The following WDPCP variants were observed in gnomAD, a reference collection of about 807,000 sequenced individuals.
WDPCP encodes WD repeat-containing and planar cell polarity effector protein fritz homolog.
WDPCP carries 71 observed loss-of-function variants against 93.1 expected under a neutral mutation model. The observed-to-expected ratio is 0.76, with a 90% confidence interval of 0.63 to 0.93. The LOEUF is 0.93. Ranked by LOEUF, WDPCP falls within the 40% of genes least tolerant of loss-of-function variation. The probability of loss-of-function intolerance (pLI) is 0.00; values close to 1 mark genes in which losing one functional copy is unlikely to be tolerated. For synonymous variants in WDPCP, 315 were observed against 315.0 expected (o/e 1.00, Z 0.00); for missense variants, 844 against 887.4 (o/e 0.95, Z 0.62).
At chr2:63,650,258 T>C (rs1710094135) in intron 3 of WDPCP, among the ~76,000 whole-genome samples, 1 of 152,210 alleles carries the variant, frequency 6.6e-6, no homozygotes, top group South Asian at 2.1e-4. Context: ...CCCCACTCCC[T>C]GAGTTTATGA....
chr2:63,636,679 A>G (rs373584511), intron 3 of WDPCP, among the ~76,000 whole-genome samples: 1 of 152,162 alleles, frequency 6.6e-6, no homozygotes, highest in South Asian at 2.1e-4. Context: ...TTCAAACTAC[A>G]TTACAAATAG....
chr2:63,591,015 A>G (rs1709192150), upstream of WDPCP: 1 of 152,222 alleles, frequency 6.6e-6, no homozygotes, highest in African/African-American at 2.4e-5. Flanking sequence ...ATTTAGAAAT[A>G]TATATAAATT....
intron 1 of WDPCP, among the ~76,000 whole-genome samples, chr2:63,549,643 G>T (rs956086409): frequency 2.6e-5 from 4 of 152,098 alleles, no homozygotes; most frequent in African/African-American, 7.2e-5. Flanking sequence ...GCAGAAGCCT[G>T]TAATCCCAGC....
intron 15 of WDPCP, among the ~76,000 whole-genome samples, chr2:63,164,954 AGT>A (rs1330892402): frequency 6.6e-6 from 1 of 152,204 alleles, no homozygotes; most frequent in African/African-American, 2.4e-5. Context: ...GAAGGCAATA[AGT>A]GAGGAATAGA....
At chr2:63,156,693 G>A (rs922814550) in intron 15 of WDPCP, among the ~76,000 whole-genome samples, 12 of 152,132 alleles carry the variant, frequency 7.9e-5, no homozygotes, top group East Asian at 7.7e-4. Context: ...AGCCGAGGTC[G>A]TGCCATTGCA....
At chr2:63,174,535 C>A in intron 15 of WDPCP, 135 bp downstream of exon 15, 1 of 1,108,546 alleles carries the variant, frequency 9.0e-7, no homozygotes, top group Non-Finnish European at 1.3e-6. Context: ...CAAACTACTG[C>A]AAAGTCTGAG....
rs72811602 is a variant in WDPCP at position 63,126,619 on chromosome 2, A to G, written c.2191-4563T>C. On this transcript the variant is annotated intron_variant, in intron 17 of 17. Coordinates refer to ENST00000272321, the MANE Select transcript of WDPCP (RefSeq NM_015910.7). ...AGCTAAACACAGTTTTAACTTGTAT[A>G]AAACAGCCCGATATTCAACATCACA... Among the ~76,000 whole-genome samples, 1,218 of 152,002 alleles carry G rather than the reference A, an allele frequency of 8.0e-3. 12 individuals are homozygous for G. Among genetic ancestry groups the G allele is most frequent in the Middle Eastern group, 0.014 (4 of 294 alleles).
At chr2:63,550,192 A>AACACACAC (rs56155473) in intron 1 of WDPCP, among the ~76,000 whole-genome samples, 60 of 44,352 alleles carry the variant, frequency 1.4e-3, no homozygotes, top group East Asian at 4.8e-3. Context: ...CATCTTAAGA[A>AACACACAC]ACACACACAC....
Position 63,281,141 on chromosome 2 carries a change from C to G in WDPCP, c.1813-21732G>C, listed in dbSNP as rs568380955. Among the ~76,000 whole-genome samples, 5 of 151,680 alleles carry G rather than the reference C, an allele frequency of 3.3e-5. No homozygotes were observed. In the East Asian group the frequency reaches 9.7e-4, roughly 29 times the overall value. On this transcript the variant is annotated intron_variant, in intron 13 of 17. Coordinates refer to ENST00000272321, the MANE Select transcript of WDPCP (RefSeq NM_015910.7). Reference sequence around the variant, plus strand: ...ACTCAAATCAGCAAGAAAAAAAAACCCAACAATCCCATAAAAAAAGTAGGC... The same window carrying G: ...ACTCAAATCAGCAAGAAAAAAAAACGCAACAATCCCATAAAAAAAGTAGGC...
intron 2 of WDPCP, among the ~76,000 whole-genome samples, chr2:63,487,941 G>A (rs942049812): frequency 6.6e-6 from 1 of 151,990 alleles, no homozygotes; most frequent in African/African-American, 2.4e-5. Context: ...CCTATTCTAC[G>A]GCATTTGGGA....
chr2:63,662,108 CA>C (rs1299422475), intron 2 of WDPCP, among the ~76,000 whole-genome samples: 2 of 152,036 alleles, frequency 1.3e-5, no homozygotes, highest in Non-Finnish European at 2.9e-5. Context: ...AAATGAGGCA[CA>C]AAGAGGTCAA....
At chr2:63,540,986 T>C (rs1002798770) in intron 1 of WDPCP, among the ~76,000 whole-genome samples, 3 of 152,000 alleles carry the variant, frequency 2.0e-5, no homozygotes, top group Non-Finnish European at 4.4e-5. Context: ...TTTTGTTTTT[T>C]TGTTTTCTGG....
intron 10 of WDPCP, among the ~76,000 whole-genome samples, chr2:63,390,910 C>A (rs1693182331): frequency 6.6e-6 from 1 of 152,088 alleles, no homozygotes; most frequent in Non-Finnish European, 1.5e-5. Context: ...AGCCTACCAA[C>A]CAAAAAGTGT....
At chr2:63,453,199 A>C (rs1207780683) in intron 6 of WDPCP, among the ~76,000 whole-genome samples, 1 of 152,220 alleles carries the variant, frequency 6.6e-6, no homozygotes, top group African/African-American at 2.4e-5. Flanking sequence ...ACTCATATGA[A>C]AAAGGGCTAA....
At chr2:63,666,556 A>G (rs926127880) in intron 2 of WDPCP, among the ~76,000 whole-genome samples, 7 of 152,208 alleles carry the variant, frequency 4.6e-5, no homozygotes, top group Admixed American at 4.6e-4. Flanking sequence ...ATAATCCTGC[A>G]GAACTGAATT....
chr2:63,254,563 T>C (rs905421458), intron 14 of WDPCP, among the ~76,000 whole-genome samples: 3 of 152,118 alleles, frequency 2.0e-5, no homozygotes, highest in African/African-American at 7.2e-5. Context: ...TATGCAGTTC[T>C]AAGAAATAAT....
chr2:63,531,914 G>A (rs999626253), intron 1 of WDPCP, among the ~76,000 whole-genome samples: 70 of 152,098 alleles, frequency 4.6e-4, no homozygotes, highest in Admixed American at 2.0e-4. Flanking sequence ...AAACTTCTCC[G>A]AGCTAAAGGA....
At chr2:63,311,459 CAATATT>C in intron 13 of WDPCP, among the ~76,000 whole-genome samples, 1 of 152,036 alleles carries the variant, frequency 6.6e-6, no homozygotes, top group Non-Finnish European at 1.5e-5. Flanking sequence ...TTAATGCTCT[CAATATT>C]TTGAGCTTCT....
chr2:63,720,730 T>G (rs965813806), intron 2 of WDPCP, among the ~76,000 whole-genome samples: 2 of 152,254 alleles, frequency 1.3e-5, no homozygotes, highest in Admixed American at 6.5e-5. Flanking sequence ...CATACTGTCT[T>G]GTTCTTTGGG....
Sources: allele counts gnomAD v4.1 joint callset (sites outside exome capture counted in the v4.1 genomes callset), GRCh38; gene constraint gnomAD v4.1.1; transcripts MANE v1.5; gene names NCBI Gene and HGNC (gene_info 2026-07-23, HGNC 2026-07-21).